The following ANO10 variants were observed in gnomAD, a reference collection of about 807,000 sequenced individuals.
ANO10 encodes the protein anoctamin-10.
Under a neutral mutation model 74.7 loss-of-function variants are expected in ANO10, and 77 were observed. The ratio of observed to expected loss-of-function variants is 1.03; its 90% CI spans 0.86 to 1.25. The LOEUF (loss-of-function observed/expected upper bound fraction) is 1.25, where lower values mean the gene tolerates loss of function less well. Among genes scored for constraint, ANO10 ranks in the 50% most tolerant of loss-of-function variants. ANO10 has a pLI of 0.00. For missense variants in ANO10, 721 were observed against 778.1 expected, an observed-to-expected ratio of 0.93 and a Z score of 0.87; for synonymous variants, 279 against 284.9, an observed-to-expected ratio of 0.98 and a Z score of 0.21.
chr3:43,607,429 G>T (rs1283728012), intron 1 of ANO10, among the ~76,000 whole-genome samples: 1 of 152,092 alleles, frequency 6.6e-6, no homozygotes, highest in African/African-American at 2.4e-5. Flanking sequence ...CAGTTTCTCT[G>T]GGGCCTCTGC....
intron 11 of ANO10, chr3:43,485,161 G>T: frequency 1.4e-6 from 1 of 737,262 alleles, no homozygotes; most frequent in East Asian, 2.6e-5. Flanking sequence ...GCCCTGGCGC[G>T]GTAGCACTGG....
chr3:43,369,468 C>T lies in ANO10; in HGVS notation c.1915-2494G>A, dbSNP rs114357782. 3.2e-3 allele frequency among the ~76,000 whole-genome samples: 481 copies of T among 152,372 alleles called. 3 individuals carry two copies. Among genetic ancestry groups the T allele is most frequent in the African/African-American group, 9.2e-3 (384 of 41,580 alleles). On this transcript the variant is annotated intron_variant, in intron 12 of 12. Transcript: ENST00000292246. Reference sequence around the variant, plus strand: ...CATTTCTGCTCTTTCCTTCACCTGTCCTGGAGCAAGGCTTCTTTTAAAGCC... The same window carrying T: ...CATTTCTGCTCTTTCCTTCACCTGTTCTGGAGCAAGGCTTCTTTTAAAGCC...
chr3:43,595,878 A>C (rs2082058177), intron 4 of ANO10, among the ~76,000 whole-genome samples: 1 of 152,166 alleles, frequency 6.6e-6, no homozygotes, highest in Non-Finnish European at 1.5e-5. Context: ...GTCTCAGCCA[A>C]AAATCTCCTT....
chr3:43,390,923 G>C (rs1431568266), intron 12 of ANO10, among the ~76,000 whole-genome samples: 1 of 152,174 alleles, frequency 6.6e-6, no homozygotes, highest in Non-Finnish European at 1.5e-5. Context: ...TCATTTAGTA[G>C]GTCTGGGGAG....
intron 12 of ANO10, among the ~76,000 whole-genome samples, chr3:43,377,376 G>A (rs771143928): frequency 1.7e-4 from 26 of 152,106 alleles, no homozygotes; most frequent in Non-Finnish European, 2.5e-4. Context: ...GTGAGCCCCC[G>A]CACAGGGCCC....
chr3:43,670,958 A>C (rs1160746338), intron 1 of ANO10, among the ~76,000 whole-genome samples: 1 of 152,228 alleles, frequency 6.6e-6, no homozygotes, highest in Non-Finnish European at 1.5e-5. Context: ...CACTGCCATC[A>C]TGCTAGAGCA....
At chr3:43,397,165 G>C (rs1263073282) in intron 12 of ANO10, among the ~76,000 whole-genome samples, 20 of 152,100 alleles carry the variant, frequency 1.3e-4, no homozygotes, top group Non-Finnish European at 1.5e-5. Flanking sequence ...TTGACCTCAG[G>C]TAATCCACCT....
chr3:43,466,215 C>G (rs375739430), intron 11 of ANO10, among the ~76,000 whole-genome samples: 1 of 151,310 alleles, frequency 6.6e-6, no homozygotes, highest in African/African-American at 2.4e-5. Flanking sequence ...TACTAAAATA[C>G]AAAAAATTAG....
At chr3:43,563,624 G>A (rs1401734390) in intron 8 of ANO10, among the ~76,000 whole-genome samples, 1 of 152,124 alleles carries the variant, frequency 6.6e-6, no homozygotes, top group Non-Finnish European at 1.5e-5. Flanking sequence ...CAGATGAATA[G>A]ATAAGGAAAA....
intron 11 of ANO10, among the ~76,000 whole-genome samples, chr3:43,538,319 G>GA (rs1187718660): frequency 6.6e-6 from 1 of 151,738 alleles, no homozygotes; most frequent in Non-Finnish European, 1.5e-5. Flanking sequence ...TTTAACTGAG[G>GA]AAAAAAAATA....
At chr3:43,505,877 G>A (rs1208796761) in intron 11 of ANO10, among the ~76,000 whole-genome samples, 1 of 152,152 alleles carries the variant, frequency 6.6e-6, no homozygotes, top group Non-Finnish European at 1.5e-5. Context: ...ACTTGTGGAA[G>A]AAATTATTTT....
At chr3:43,566,913 G>T (rs1298605559) in intron 7 of ANO10, among the ~76,000 whole-genome samples, 1 of 152,112 alleles carries the variant, frequency 6.6e-6, no homozygotes. Flanking sequence ...CAAACCAAAG[G>T]CAAAGAAGTT....
chr3:43,450,782 C>T lies in ANO10; in HGVS notation c.1798-18055G>A, dbSNP rs774998369. On this transcript the variant is annotated intron_variant, in intron 11 of 12. Transcript: ENST00000292246. ...ATATTGATGAGAACATTTATGTCAT[C>T]TTTTTGTAATGTAACAGATTACAGT... Among the ~76,000 whole-genome samples the T allele has an allele frequency of 3.0e-4, 45 of 152,190 alleles. 1 individual carries two copies. Among genetic ancestry groups the T allele is most frequent in the Non-Finnish European group, 5.4e-4 (37 of 68,036 alleles).
chr3:43,567,417 T>A (rs2080425837), intron 7 of ANO10, among the ~76,000 whole-genome samples: 1 of 152,088 alleles, frequency 6.6e-6, no homozygotes, highest in Non-Finnish European at 1.5e-5. Context: ...GAAAAAATGT[T>A]AAGGGCAGCC....
intron 8 of ANO10, among the ~76,000 whole-genome samples, chr3:43,562,455 C>CAGAAAAAAAAA (rs2080089259): frequency 1.4e-5 from 1 of 69,946 alleles, no homozygotes; most frequent in East Asian, 5.0e-4. Flanking sequence ...CTGTCTCAAA[C>CAGAAAAAAAAA]AAAAAAAAAA....
At chr3:43,430,839 T>A (rs1192508249) in intron 12 of ANO10, among the ~76,000 whole-genome samples, 1 of 152,056 alleles carries the variant, frequency 6.6e-6, no homozygotes, top group Non-Finnish European at 1.5e-5. Flanking sequence ...TTGATCCCAG[T>A]AAAGTTTAAA....
intron 1 of ANO10, among the ~76,000 whole-genome samples, chr3:43,683,731 G>T (rs1203197230): frequency 6.6e-6 from 1 of 152,048 alleles, no homozygotes; most frequent in South Asian, 2.1e-4. Context: ...CCAAAACAGA[G>T]ATATAGACCA....
intron 11 of ANO10, among the ~76,000 whole-genome samples, chr3:43,518,019 T>C (rs532405205): frequency 6.6e-6 from 1 of 152,272 alleles, no homozygotes; most frequent in African/African-American, 2.4e-5. Context: ...AAATGCAACA[T>C]TTAGCTTAAG....
intron 11 of ANO10, among the ~76,000 whole-genome samples, chr3:43,494,384 C>T (rs964605905): frequency 1.1e-4 from 16 of 152,168 alleles, no homozygotes; most frequent in Admixed American, 8.5e-4. Flanking sequence ...ACCCAGGAGG[C>T]GGAGGTTGCA....
Sources: gnomAD v4.1 joint callset for allele counts (sites outside exome capture counted in the v4.1 genomes callset) on GRCh38, gnomAD v4.1.1 for gene constraint, MANE v1.5 for transcripts, NCBI Gene and HGNC (gene_info 2026-07-23, HGNC 2026-07-21) for gene names.